Variants in KCNK2 observed in about 807,000 individuals in gnomAD.
KCNK2 encodes potassium two pore domain channel subfamily K member 2.
Under a neutral mutation model 40.5 loss-of-function variants are expected in KCNK2, and 21 were observed. That is an observed-to-expected ratio of 0.52 (90% confidence interval 0.37 to 0.75). The LOEUF (loss-of-function observed/expected upper bound fraction) is 0.75, where lower values mean the gene tolerates loss of function less well. Ranked by LOEUF, KCNK2 falls within the 30% of genes least tolerant of loss-of-function variation. KCNK2 has a pLI of 0.00. For synonymous variants in KCNK2, 191 were observed against 202.2 expected (o/e 0.94, Z 0.47); for missense variants, 399 against 531.6 (o/e 0.75, Z 2.45).
At chr1:215,147,429 G>T (rs1662473221) in intron 3 of KCNK2, among the ~76,000 whole-genome samples, 1 of 152,170 alleles carries the variant, frequency 6.6e-6, no homozygotes, top group Non-Finnish European at 1.5e-5. Context: ...TTTTCACAAA[G>T]ATATTGTCTT....
chr1:215,107,988 A>G (rs1355003819), intron 2 of KCNK2, among the ~76,000 whole-genome samples: 1 of 152,124 alleles, frequency 6.6e-6, no homozygotes, highest in Non-Finnish European at 1.5e-5. Context: ...CCACAGACCA[A>G]TGGCGGTCAG....
intron 5 of KCNK2, among the ~76,000 whole-genome samples, chr1:215,187,548 A>AC (rs1296025064): frequency 6.6e-6 from 1 of 151,898 alleles, no homozygotes; most frequent in African/African-American, 2.4e-5. Flanking sequence ...TTAAAAAAAA[A>AC]ACACATAAAG....
chr1:215,213,627 A>C (rs759654271), intron 6 of KCNK2, among the ~76,000 whole-genome samples: 2 of 152,186 alleles, frequency 1.3e-5, no homozygotes, highest in African/African-American at 2.4e-5. Flanking sequence ...AAAAGAAGTT[A>C]TCCTAATTTT....
In KCNK2 at chr1:215,235,236, C is replaced by A; in HGVS notation, c.*91C>A. The A allele has an allele frequency of 9.0e-7, 1 of 1,107,906 alleles. No homozygotes were observed. Among genetic ancestry groups the A allele is most frequent in the Non-Finnish European group, 1.3e-6 (1 of 772,806 alleles). 68.6% of individuals were successfully genotyped at this position (1,107,906 alleles called of 1,614,324 possible). A position where few individuals can be genotyped will look rare whatever the true frequency, so the allele number is the denominator to read the frequency against. ...TGCTGGTAGCATTTTTTAAATTGTG[C>A]ATGAGCTCAAAGGGGGAACAAAATA... On this transcript the variant is annotated 3_prime_UTR_variant, in exon 7 of 7. Transcript: ENST00000444842.
At chr1:215,043,559 C>A (rs1158276138) in intron 1 of KCNK2, among the ~76,000 whole-genome samples, 1 of 152,142 alleles carries the variant, frequency 6.6e-6, no homozygotes, top group African/African-American at 2.4e-5. Context: ...AGGACAAATA[C>A]AACTGCACTT....
At chr1:215,160,575 A>G (rs1403927709) in intron 3 of KCNK2, among the ~76,000 whole-genome samples, 1 of 152,174 alleles carries the variant, frequency 6.6e-6, no homozygotes, top group Non-Finnish European at 1.5e-5. Context: ...TTCTTCAGTG[A>G]TGATCTTATT....
intron 1 of KCNK2, among the ~76,000 whole-genome samples, chr1:215,009,808 C>T (rs894704863): frequency 2.6e-5 from 4 of 152,000 alleles, no homozygotes; most frequent in African/African-American, 9.7e-5. Flanking sequence ...TGCAGAAAAA[C>T]CTGAGTGTCT....
intron 5 of KCNK2, among the ~76,000 whole-genome samples, chr1:215,184,896 A>C (rs59337941): frequency 0.12 from 18,913 of 152,158 alleles, 2,455 homozygotes; most frequent in African/African-American, 0.33. Context: ...AAAAGTATAA[A>C]TAAAAATGAA....
intron 1 of KCNK2, among the ~76,000 whole-genome samples, chr1:215,086,134 T>G (rs1268012638): frequency 6.6e-6 from 1 of 152,156 alleles, no homozygotes; most frequent in Non-Finnish European, 1.5e-5. Context: ...CTCCAGTTTT[T>G]TTCCTCTCAT....
chr1:215,019,824 T>G (rs983540156), intron 1 of KCNK2, among the ~76,000 whole-genome samples: 5 of 152,226 alleles, frequency 3.3e-5, no homozygotes, highest in African/African-American at 1.2e-4. Context: ...CTGCCTTGCC[T>G]CTCTTATGCT....
chr1:215,061,450 G>A (rs1406527125), intron 1 of KCNK2, among the ~76,000 whole-genome samples: 1 of 151,950 alleles, frequency 6.6e-6, no homozygotes, highest in East Asian at 1.9e-4. Flanking sequence ...GGTTTTTTGG[G>A]AGGAATGGGT....
chr1:215,190,925 G>A (rs1320358186), intron 5 of KCNK2, among the ~76,000 whole-genome samples: 1 of 151,792 alleles, frequency 6.6e-6, no homozygotes, highest in Non-Finnish European at 1.5e-5. Flanking sequence ...CAGTGGAAAT[G>A]AGCATATTAA....
chr1:215,173,906 C>T (rs1663834203), intron 5 of KCNK2, among the ~76,000 whole-genome samples: 1 of 152,110 alleles, frequency 6.6e-6, no homozygotes, highest in South Asian at 2.1e-4. Context: ...AAAATGTTCT[C>T]CCATTCTGTA....
At chr1:215,219,258 C>A (rs1666077533) in intron 6 of KCNK2, among the ~76,000 whole-genome samples, 1 of 152,134 alleles carries the variant, frequency 6.6e-6, no homozygotes, top group South Asian at 2.1e-4. Context: ...TAGAGTTGCC[C>A]AGCAGTGTTC....
At chr1:215,164,758 C>G (rs1663367291) in intron 3 of KCNK2, among the ~76,000 whole-genome samples, 1 of 152,154 alleles carries the variant, frequency 6.6e-6, no homozygotes, top group African/African-American at 2.4e-5. Flanking sequence ...CTCTTACATC[C>G]TGTGCATCAG....
rs375502224 is a variant in KCNK2 at position 215,176,682 on chromosome 1, G to C, written c.823+4499G>C. Among the ~76,000 whole-genome samples, 85 of 152,184 alleles carry C rather than the reference G, an allele frequency of 5.6e-4. No homozygotes were observed. In the South Asian group the frequency reaches 0.017, roughly 31 times the overall value. Reference sequence around the variant, plus strand: ...AGGACATCATCCCATTCCTTTTTATGGCTTCATAGTATTCCATGGTATATA... The same window carrying C: ...AGGACATCATCCCATTCCTTTTTATCGCTTCATAGTATTCCATGGTATATA... On this transcript the variant is annotated intron_variant, in intron 5 of 6. Transcript: ENST00000444842.
At position 215,195,554 on chromosome 1, in the gene KCNK2, A is replaced by T. The variant is rs1035864833; in HGVS notation, c.963+462A>T. Among the ~76,000 whole-genome samples, 4 of 152,094 alleles carry T rather than the reference A, an allele frequency of 2.6e-5. No individual in the cohort carries two copies. The East Asian group carries it at 7.7e-4, about 29-fold the overall frequency. On this transcript the variant is annotated intron_variant, in intron 6 of 6. Coordinates refer to ENST00000444842, the MANE Select transcript of KCNK2 (RefSeq NM_001017425.3). The stretch of plus-strand genomic sequence containing the variant: ...CTTATGTCTATATAAATTTGTACGT[A>T]CACATGTATATATATTCCAAAGCTG...
rs367936859 is a variant in KCNK2, at chr1:215,065,439, A to G, written c.35-20929A>G. 3.0e-4 allele frequency among the ~76,000 whole-genome samples: 46 copies of G among 152,308 alleles called. No individual in the cohort carries two copies. The South Asian group carries it at 5.0e-3, about 16-fold the overall frequency. On this transcript the variant is annotated intron_variant, in intron 1 of 6. Coordinates refer to the KCNK2 transcript ENST00000391895. Reference sequence around the variant, plus strand: ...AGAAAAGGAAGAAGTGAAGTTAAGCATCAAATTCATGAATTGAGATATGAA... The same window carrying G: ...AGAAAAGGAAGAAGTGAAGTTAAGCGTCAAATTCATGAATTGAGATATGAA...
intron 1 of KCNK2, among the ~76,000 whole-genome samples, chr1:215,039,663 A>G (rs1019850784): frequency 3.9e-5 from 6 of 152,070 alleles, no homozygotes; most frequent in East Asian, 1.9e-4. Context: ...ACCAAACACA[A>G]TTTTTTTAAT....
Sources: gnomAD v4.1 joint callset for allele counts (sites outside exome capture counted in the v4.1 genomes callset) on GRCh38, gnomAD v4.1.1 for gene constraint, MANE v1.5 for transcripts, NCBI Gene and HGNC (gene_info 2026-07-23, HGNC 2026-07-21) for gene names.